MSH4: variants seen among roughly 807,000 people sequenced by gnomAD.
MSH4 encodes the protein mutS homolog 4, also known as mutS protein homolog 4.
Under a neutral mutation model 113.7 loss-of-function variants are expected in MSH4, and 106 were observed. That is an observed-to-expected ratio of 0.93 (90% CI 0.80 to 1.10). MSH4 has a LOEUF of 1.10. Among genes scored for constraint, MSH4 ranks in the 50% least tolerant of loss-of-function variants. The probability of loss-of-function intolerance (pLI) is 0.00; values close to 1 mark genes in which losing one functional copy is unlikely to be tolerated. For synonymous variants in MSH4, 368 were observed against 380.2 expected (o/e 0.97, Z 0.37); for missense variants, 1,061 against 1,093.7 (o/e 0.97, Z 0.42).
chr1:75,869,139 G>A (rs1219922059), intron 9 of MSH4, among the ~76,000 whole-genome samples: 1 of 152,160 alleles, frequency 6.6e-6, no homozygotes, highest in African/African-American at 2.4e-5. Context: ...CCAGGCTGAG[G>A]TGGTCTCAGA....
At chr1:75,819,485 G>A (rs898583582) in intron 6 of MSH4, among the ~76,000 whole-genome samples, 28 of 152,168 alleles carry the variant, frequency 1.8e-4, no homozygotes, top group African/African-American at 6.0e-4. Context: ...GCAAGACTCT[G>A]TCTAAATAAA....
intron 11 of MSH4, 150 bp from the exon 12 acceptor site, chr1:75,878,842 A>T (rs1045966853): frequency 3.1e-6 from 2 of 644,810 alleles, no homozygotes; most frequent in Admixed American, 3.2e-5. Flanking sequence ...AAAAAAAAAA[A>T]TTATTAGAGT....
chr1:75,874,646 A>G (rs1238909384), intron 9 of MSH4, among the ~76,000 whole-genome samples: 1 of 152,060 alleles, frequency 6.6e-6, no homozygotes, highest in Non-Finnish European at 1.5e-5. Context: ...AAAGGAGTTT[A>G]GTATGAAGAA....
intron 19 of MSH4, among the ~76,000 whole-genome samples, chr1:75,904,829 T>C (rs1557533160): frequency 6.6e-6 from 1 of 152,120 alleles, no homozygotes; most frequent in African/African-American, 2.4e-5. Context: ...CTTGGTAAGT[T>C]GTATGTCTCC....
chr1:75,855,858 CAG>C (rs1651304622), intron 8 of MSH4, among the ~76,000 whole-genome samples: 1 of 152,152 alleles, frequency 6.6e-6, no homozygotes, highest in South Asian at 2.1e-4. Context: ...CAACCTTTAA[CAG>C]TGTATAAGTG....
At chr1:75,884,499 C>G (rs930239217) in intron 15 of MSH4, among the ~76,000 whole-genome samples, 5 of 151,994 alleles carry the variant, frequency 3.3e-5, no homozygotes, top group Admixed American at 3.3e-4. Context: ...TACCTCCCAA[C>G]TCCCAGAATT....
At position 75,912,676 on chromosome 1, in the gene MSH4, T is replaced by TA. The variant is rs534222707; in HGVS notation, c.2620-20_2620-19insA. 5.4e-3 allele frequency: 5,047 copies of TA among 942,316 alleles called. 43 individuals carry two copies. Among genetic ancestry groups the TA allele is most frequent in the African/African-American group, 0.02 (556 of 27,768 alleles). 58.4% of individuals were successfully genotyped at this position (942,316 alleles called of 1,614,324 possible). On this transcript the variant is annotated intron_variant, in intron 19 of 19. Transcript: ENST00000263187. ...GGTATTTGTGTATATATATATATAT[T>TA]TTTTTTTTTTCAATGACAGCAAAAC... is the stretch of plus-strand genomic sequence containing the variant.
intron 15 of MSH4, among the ~76,000 whole-genome samples, chr1:75,885,059 G>GTGTGTGTGTATA (rs1300289205): frequency 3.9e-3 from 441 of 112,442 alleles, no homozygotes; most frequent in African/African-American, 0.011. Flanking sequence ...GTGTGTGTGT[G>GTGTGTGTGTATA]TATATATATA....
intron 7 of MSH4, among the ~76,000 whole-genome samples, chr1:75,833,103 C>T (rs1470996528): frequency 6.6e-6 from 1 of 152,250 alleles, no homozygotes; most frequent in East Asian, 1.9e-4. Context: ...GACACAAAAT[C>T]AATGTGCAAA....
chr1:75,851,453 C>T (rs1450478593), intron 8 of MSH4, among the ~76,000 whole-genome samples: 1 of 151,830 alleles, frequency 6.6e-6, no homozygotes, highest in African/African-American at 2.4e-5. Context: ...GCTCTGTCAC[C>T]CAGGCTGGAG....
intron 17 of MSH4, among the ~76,000 whole-genome samples, chr1:75,891,382 A>T (rs867201294): frequency 4.7e-4 from 72 of 152,270 alleles, no homozygotes; most frequent in Middle Eastern, 3.4e-3. Flanking sequence ...CTTATTTAAG[A>T]TACCTTAAAA....
chr1:75,863,896 G>A (rs1045128211), intron 8 of MSH4, among the ~76,000 whole-genome samples: 36 of 152,224 alleles, frequency 2.4e-4, no homozygotes, highest in Middle Eastern at 3.4e-3. Context: ...AAATAAAAAT[G>A]TAATGTTACA....
rs1273060811 is a variant in MSH4, at chr1:75,885,821, G to C, written c.2107+2000G>C. ...TATAATGTATTACATATTATGTATA[G>C]TATATGTAATGTATTATATATTATA... On this transcript the variant is annotated intron_variant, in intron 15 of 19. Coordinates refer to ENST00000263187, the MANE Select transcript of MSH4 (RefSeq NM_002440.4). 3.4e-4 allele frequency among the ~76,000 whole-genome samples: 42 copies of C among 121,888 alleles called. 1 individual carries two copies. The highest frequency in any genetic ancestry group is 1.3e-3 in the African/African-American group (41 of 32,190). 80.0% of individuals were successfully genotyped at this position (121,888 alleles called of 152,430 possible).
chr1:75,891,512 G>A (rs1652253723), intron 17 of MSH4, among the ~76,000 whole-genome samples: 1 of 152,036 alleles, frequency 6.6e-6, no homozygotes, highest in South Asian at 2.1e-4. Flanking sequence ...GGAGTGCAGT[G>A]GCGCAATCTT....
chr1:75,893,521 C>T (rs772422141), intron 17 of MSH4, among the ~76,000 whole-genome samples: 4 of 152,122 alleles, frequency 2.6e-5, no homozygotes, highest in Non-Finnish European at 5.9e-5. Flanking sequence ...GACCACTTCA[C>T]CGCATCTGAG....
intron 15 of MSH4, 62 bp from the exon 16 acceptor site, chr1:75,889,189 A>G (rs1652196718): frequency 1.3e-6 from 1 of 797,670 alleles, no homozygotes; most frequent in Non-Finnish European, 2.1e-6. Context: ...GAAGTACAAA[A>G]TGTTATTAGT....
intron 6 of MSH4, among the ~76,000 whole-genome samples, chr1:75,816,889 A>G (rs1180390373): frequency 6.6e-6 from 1 of 152,070 alleles, no homozygotes. Context: ...AGCCTCCCAA[A>G]GTGCTGGGAT....
rs542530256 is a variant in MSH4, at chr1:75,911,372, T to C, written c.2620-1324T>C. On this transcript the variant is annotated intron_variant, in intron 19 of 19. Transcript: ENST00000263187. ...ACCATGCTTTCAAATGTACCTGCTC[T>C]AACTGTTTCCTCTGTGGAATACCCC... Among the ~76,000 whole-genome samples the C allele has an allele frequency of 5.3e-5, 8 of 152,306 alleles. No homozygotes were observed. In the South Asian group the frequency reaches 1.7e-3, roughly 32 times the overall value.
At chr1:75,828,410 G>C (rs955813621) in intron 7 of MSH4, among the ~76,000 whole-genome samples, 3 of 152,144 alleles carry the variant, frequency 2.0e-5, no homozygotes, top group African/African-American at 7.2e-5. Flanking sequence ...ATGAACCCAG[G>C]TGCCCATCAA....
Sources: allele counts gnomAD v4.1 joint callset (sites outside exome capture counted in the v4.1 genomes callset), GRCh38; gene constraint gnomAD v4.1.1; transcripts MANE v1.5; gene names NCBI Gene and HGNC (gene_info 2026-07-23, HGNC 2026-07-21).